Variants in POTED observed in about 807,000 individuals in gnomAD.
The protein encoded by POTED is ANKRD26-like family B member 3.
A neutral mutation model predicts 19.0 loss-of-function variants in POTED; 7 were observed. The ratio of observed to expected loss-of-function variants is 0.37; its 90% CI spans 0.21 to 0.69. The LOEUF is 0.69. Ranked by LOEUF, POTED falls within the 30% of genes least tolerant of loss-of-function variation. The pLI is 0.56. For missense variants in POTED, 54 were observed against 278.5 expected (o/e 0.19, Z 5.74); for synonymous variants, 16 against 92.0 (o/e 0.17, Z 4.73).
chr21:13,637,006 T>TATATATATATATATA (rs1568899102), intron 9 of POTED, among the ~76,000 whole-genome samples: 6 of 9,976 alleles, frequency 6.0e-4, no homozygotes, highest in Admixed American at 4.5e-3. Context: ...ATATATATAT[T>TATATATATATATATA]TTTTTTTTTT....
Position 13,610,842 on chromosome 21 carries a change from T to A in POTED, c.521+93T>A. On this transcript the variant is annotated intron_variant, in intron 1 of 10. Coordinates refer to ENST00000299443, the MANE Select transcript of POTED (RefSeq NM_174981.6). ...GGGAGGGAGGAGCCAGGCTTTCTCT[T>A]CCTCCGCAGGCCCCACACCACCCTG... The A allele has an allele frequency of 2.2e-6, 2 of 919,876 alleles. 1 individual carries two copies. 57.0% of individuals were successfully genotyped at this position (919,876 alleles called of 1,614,324 possible). A position where few individuals can be genotyped will look rare whatever the true frequency, so the allele number is the denominator to read the frequency against.
rs573864437 is a variant in POTED, at chr21:13,645,052, A to T, written c.*3486A>T. Among the ~76,000 whole-genome samples, 1 of 108,700 alleles carries T rather than the reference A, an allele frequency of 9.2e-6. No homozygotes were observed. Among genetic ancestry groups the T allele is most frequent in the Non-Finnish European group, 1.8e-5 (1 of 54,100 alleles). 71.3% of individuals were successfully genotyped at this position (108,700 alleles called of 152,430 possible). A position where few individuals can be genotyped will look rare whatever the true frequency, so the allele number is the denominator to read the frequency against. ...CAGGCAAACAAGAATGGGGGAAAAAAGAATGAAAGGGAATGAACAAAACAT... is the reference window on the plus strand; with the variant it reads ...CAGGCAAACAAGAATGGGGGAAAAATGAATGAAAGGGAATGAACAAAACAT... On this transcript the variant is annotated 3_prime_UTR_variant, in exon 11 of 11. Transcript: ENST00000299443.
At chr21:13,612,117 T>A (rs1317090545) in intron 1 of POTED, among the ~76,000 whole-genome samples, 1 of 81,796 alleles carries the variant, frequency 1.2e-5, no homozygotes, top group Non-Finnish European at 2.2e-5. Context: ...ACAGCATTCC[T>A]GCTAAGAGAA....
chr21:13,632,670 TA>T (rs2011219270), intron 9 of POTED, among the ~76,000 whole-genome samples: 1 of 44,830 alleles, frequency 2.2e-5, no homozygotes, highest in Non-Finnish European at 3.6e-5. Context: ...CACTTATTTG[TA>T]AAAGTGCCCT....
intron 1 of POTED, among the ~76,000 whole-genome samples, chr21:13,613,005 A>G (rs2011146580): frequency 1.4e-5 from 1 of 70,638 alleles, no homozygotes; most frequent in Non-Finnish European, 2.4e-5. Context: ...CTTATCTGTG[A>G]TTTCTGCAAT....
intron 9 of POTED, among the ~76,000 whole-genome samples, chr21:13,637,817 CT>C (rs943838285): frequency 2.2e-5 from 1 of 44,454 alleles, no homozygotes; most frequent in African/African-American, 2.1e-4. Flanking sequence ...ATGTGACTAT[CT>C]TTTTTTCCCA....
intron 1 of POTED, among the ~76,000 whole-genome samples, chr21:13,610,981 T>G (rs187186301): frequency 2.5e-5 from 2 of 80,606 alleles, no homozygotes; most frequent in Non-Finnish European, 2.2e-5. Context: ...ACTAATAGAC[T>G]GTTTTAAAGT....
chr21:13,637,479 A>AT, intron 9 of POTED, among the ~76,000 whole-genome samples: 1 of 57,740 alleles, frequency 1.7e-5, no homozygotes, highest in Non-Finnish European at 2.9e-5. Flanking sequence ...AATTATTTGT[A>AT]TTTTTCCTGC....
In POTED at chr21:13,640,546, GTGTGTT is replaced by G. The variant is rs1359922574; in HGVS notation, c.1534-793_1534-788del. ...TACGTGTGTGTGTGTGTGTGTGTGT[GTGTGTT>G]TGTGTGTGTGTATTCTAGATGGAGT... On this transcript the variant is annotated intron_variant, in intron 10 of 10. Coordinates refer to ENST00000299443, the MANE Select transcript of POTED (RefSeq NM_174981.6). 3.0e-3 allele frequency among the ~76,000 whole-genome samples: 229 copies of G among 77,162 alleles called. 2 individuals are homozygous for G. Among genetic ancestry groups the G allele is most frequent in the African/African-American group, 5.4e-3 (57 of 10,572 alleles). 50.6% of individuals were successfully genotyped at this position (77,162 alleles called of 152,430 possible). A position where few individuals can be genotyped will look rare whatever the true frequency, so the allele number is the denominator to read the frequency against.
Position 13,636,661 on chromosome 21 carries a change from AC to A in POTED, c.1410-2844del, listed in dbSNP as rs1375126333. Among the ~76,000 whole-genome samples the A allele has an allele frequency of 2.3e-3, 127 of 56,016 alleles. 26 individuals carry two copies. Among genetic ancestry groups the A allele is most frequent in the East Asian group, 4.0e-3 (4 of 998 alleles). 36.7% of individuals were successfully genotyped at this position (56,016 alleles called of 152,430 possible). On this transcript the variant is annotated intron_variant, in intron 9 of 10. Coordinates refer to ENST00000299443, the MANE Select transcript of POTED (RefSeq NM_174981.6). ...TTTGATATTTTAAAAGTAAGGATAC[AC>A]CCCCCCCCCAATAGTTTGGCTTTGT...
At position 13,613,445 on chromosome 21, in the gene POTED, T is replaced by TTTATGG. The variant is rs1473279683; in HGVS notation, c.522-1678_522-1677insTTATGG. 1.1e-4 allele frequency among the ~76,000 whole-genome samples: 7 copies of TTTATGG among 64,694 alleles called. 3 individuals carry two copies. Among genetic ancestry groups the TTTATGG allele is most frequent in the African/African-American group, 2.6e-4 (2 of 7,734 alleles). 42.4% of individuals were successfully genotyped at this position (64,694 alleles called of 152,430 possible). ...CATCAAACATAAGCCAGACACCTAT[T>TTTATGG]ATATGGCAGGCATATTCTGCTATCT... On this transcript the variant is annotated intron_variant, in intron 1 of 10. Transcript: ENST00000299443.
rs1347831661 is a variant in POTED at position 13,645,130 on chromosome 21, C to T, written c.*3564C>T. Among the ~76,000 whole-genome samples, 3 of 128,080 alleles carry T rather than the reference C, an allele frequency of 2.3e-5. 1 individual carries two copies. The highest frequency in any genetic ancestry group is 9.9e-5 in the African/African-American group (3 of 30,256). The allele number at this position is 128,080 out of a possible 152,430, so 84.0% of individuals were successfully genotyped here. A position where few individuals can be genotyped will look rare whatever the true frequency, so the allele number is the denominator to read the frequency against. On this transcript the variant is annotated 3_prime_UTR_variant, in exon 11 of 11. Transcript: ENST00000299443. Reference sequence around the variant, plus strand: ...CCAAATCTATGACTGATTAATGTACCTGAAAGAGATGAGAATGGAACCAAC... The same window carrying T: ...CCAAATCTATGACTGATTAATGTACTTGAAAGAGATGAGAATGGAACCAAC...
rs2011140961 is a variant in POTED, at chr21:13,611,348, G to A, written c.521+599G>A. Among the ~76,000 whole-genome samples, 2 of 80,346 alleles carry A rather than the reference G, an allele frequency of 2.5e-5. 1 individual carries two copies. Among genetic ancestry groups the A allele is most frequent in the Non-Finnish European group, 4.4e-5 (2 of 45,910 alleles). 52.7% of individuals were successfully genotyped at this position (80,346 alleles called of 152,430 possible). A position where few individuals can be genotyped will look rare whatever the true frequency, so the allele number is the denominator to read the frequency against. ...TTAGTGTCTTTAAATTGCACATGAT[G>A]TATTTTATCATTGTGATAAATTGAT... On this transcript the variant is annotated intron_variant, in intron 1 of 10. Transcript: ENST00000299443.
In POTED at chr21:13,610,946, C is replaced by A. The variant is rs1331431909; in HGVS notation, c.521+197C>A. Among the ~76,000 whole-genome samples, 6 of 80,784 alleles carry A rather than the reference C, an allele frequency of 7.4e-5. 3 individuals are homozygous for A. The highest frequency in any genetic ancestry group is 1.3e-4 in the Non-Finnish European group (6 of 45,854). The allele number at this position is 80,784 out of a possible 152,430, so 53.0% of individuals were successfully genotyped here. ...CAAAAAGTTTTAGCTGATTTCCAAT[C>A]CAATTACAATTTCCCTTATAGAACA... On this transcript the variant is annotated intron_variant, in intron 1 of 10. Transcript: ENST00000299443.
rs2011305695 is a variant in POTED at position 13,645,319 on chromosome 21, A to G, written c.*3753A>G. Among the ~76,000 whole-genome samples the G allele has an allele frequency of 7.5e-6, 1 of 133,594 alleles. No homozygotes were observed. The highest frequency in any genetic ancestry group is 7.2e-5 in the Admixed American group (1 of 13,810). 87.6% of individuals were successfully genotyped at this position (133,594 alleles called of 152,430 possible). A position where few individuals can be genotyped will look rare whatever the true frequency, so the allele number is the denominator to read the frequency against. ...AGATTTTCTGAGGTCAAAATAAAAG[A>G]AAAAATGTTAAAGGCAGCTAGGGAG... On this transcript the variant is annotated 3_prime_UTR_variant, in exon 11 of 11. Coordinates refer to ENST00000299443, the MANE Select transcript of POTED (RefSeq NM_174981.6).
intron 10 of POTED, among the ~76,000 whole-genome samples, chr21:13,640,558 G>A (rs1342523268): frequency 1.2e-5 from 1 of 81,526 alleles, no homozygotes; most frequent in Non-Finnish European, 2.2e-5. Context: ...GTGTTTGTGT[G>A]TGTGTATTCT....
Position 13,631,142 on chromosome 21 carries a change from A to T in POTED, c.1409+35A>T. 3 of 424,610 alleles carry T rather than the reference A, an allele frequency of 7.1e-6. 1 individual carries two copies. The highest frequency in any genetic ancestry group is 1.2e-5 in the Non-Finnish European group (3 of 257,770). 26.3% of individuals were successfully genotyped at this position (424,610 alleles called of 1,614,324 possible). ...TGGCAACATTTAATAGGAGATAACT[A>T]TATGCTGTCAAACTAATCTTAATTT... On this transcript the variant is annotated intron_variant, in intron 9 of 10. Transcript: ENST00000299443.
At position 13,636,558 on chromosome 21, in the gene POTED, A is replaced by T. The variant is rs1244840549; in HGVS notation, c.1410-2957A>T. 2.5e-5 allele frequency among the ~76,000 whole-genome samples: 2 copies of T among 81,474 alleles called. 1 individual carries two copies. Among genetic ancestry groups the T allele is most frequent in the Non-Finnish European group, 4.3e-5 (2 of 46,200 alleles). 53.5% of individuals were successfully genotyped at this position (81,474 alleles called of 152,430 possible). A position where few individuals can be genotyped will look rare whatever the true frequency, so the allele number is the denominator to read the frequency against. ...TAAATACTAGGCTAAAAGTGAAGAA[A>T]ATTTACCAGGTCATTTTATTTTCAA... On this transcript the variant is annotated intron_variant, in intron 9 of 10. Transcript: ENST00000299443.
intron 9 of POTED, among the ~76,000 whole-genome samples, chr21:13,637,006 T>TATATATATATATATATA (rs1568899102): frequency 5.0e-4 from 5 of 9,972 alleles, no homozygotes; most frequent in African/African-American, 1.4e-3. Context: ...ATATATATAT[T>TATATATATATATATATA]TTTTTTTTTT....
Sources: allele counts gnomAD v4.1 joint callset (sites outside exome capture counted in the v4.1 genomes callset), GRCh38; gene constraint gnomAD v4.1.1; transcripts MANE v1.5; gene names NCBI Gene and HGNC (gene_info 2026-07-23, HGNC 2026-07-21).